The following ROBO2 variants were observed in gnomAD, a reference collection of about 807,000 sequenced individuals.
The protein encoded by ROBO2 is roundabout guidance receptor 2.
In ROBO2, 53 loss-of-function variants were observed where a neutral mutation model predicts 160.8. That is an observed-to-expected ratio of 0.33 (90% CI 0.26 to 0.41). The LOEUF is 0.41. Ranked by LOEUF, ROBO2 falls within the 10% of genes least tolerant of loss-of-function variation. The pLI is 1.00. For synonymous variants in ROBO2, 664 were observed against 611.7 expected, an observed-to-expected ratio of 1.09 and a Z score of -1.26; for missense variants, 1,577 against 1,722.4, an observed-to-expected ratio of 0.92 and a Z score of 1.49.
At chr3:76,405,864 A>G (rs1309802387) in intron 2 of ROBO2, among the ~76,000 whole-genome samples, 1 of 151,690 alleles carries the variant, frequency 6.6e-6, no homozygotes, top group African/African-American at 2.4e-5. Context: ...GAAAATAATC[A>G]TGCCTTTTGA....
rs202043830 is a variant in ROBO2 at position 77,563,214 on chromosome 3, G to A, written c.1567G>A (p.Gly523Arg). The A allele has an allele frequency of 7.1e-5, 115 of 1,613,526 alleles. No individual in the cohort carries two copies. The highest frequency in any genetic ancestry group is 9.7e-5 in the Non-Finnish European group (114 of 1,179,754). ...AAACTATGATTTAAGTGACCTGCCA[G>A]GGCCACCATCCAAACCGCAGGTCAC... The change falls in exon 11 of 26, where the codon GGG (glycine) becomes AGG (arginine). Residue 523 changes from glycine (G) to arginine (R), a missense_variant. Around this residue, in one of 2 missense-constraint regions of ROBO2, gnomAD observed 940 missense variants for 1,135.5 expected, o/e 0.83. Transcript: ENST00000461745.
At chr3:77,359,824 A>G (rs1160067955) in intron 2 of ROBO2, among the ~76,000 whole-genome samples, 2 of 151,986 alleles carry the variant, frequency 1.3e-5, no homozygotes, top group Non-Finnish European at 2.9e-5. Context: ...GACTGCAGAC[A>G]CATGCCACCA....
chr3:75,929,692 C>T (rs1280192021), intron 1 of ROBO2, among the ~76,000 whole-genome samples: 1 of 151,634 alleles, frequency 6.6e-6, no homozygotes, highest in Non-Finnish European at 1.5e-5. Flanking sequence ...CCTTCCTGGG[C>T]ACTCTTGTCT....
At chr3:77,371,948 G>T (rs1315362663) in intron 2 of ROBO2, among the ~76,000 whole-genome samples, 6 of 152,148 alleles carry the variant, frequency 3.9e-5, no homozygotes, top group Non-Finnish European at 8.8e-5. Context: ...AATTACAGGT[G>T]ATTAATATTT....
chr3:77,024,299 A>G (rs751215740), intron 2 of ROBO2, among the ~76,000 whole-genome samples: 14 of 152,338 alleles, frequency 9.2e-5, no homozygotes, highest in East Asian at 1.9e-4. Flanking sequence ...TGTCAGGGAC[A>G]TCAGGTGGAA....
At chr3:77,469,592 G>C (rs2083144736) in intron 2 of ROBO2, among the ~76,000 whole-genome samples, 1 of 152,068 alleles carries the variant, frequency 6.6e-6, no homozygotes, top group African/African-American at 2.4e-5. Flanking sequence ...CCTATAATTT[G>C]TGCTACCAGT....
chr3:76,618,438 T>G (rs1358111641), intron 2 of ROBO2, among the ~76,000 whole-genome samples: 1 of 149,812 alleles, frequency 6.7e-6, no homozygotes, highest in Non-Finnish European at 1.5e-5. Context: ...GGAAATAGGA[T>G]ATATATATAT....
At chr3:76,707,987 C>T (rs2107559435) in intron 2 of ROBO2, among the ~76,000 whole-genome samples, 1 of 152,122 alleles carries the variant, frequency 6.6e-6, no homozygotes, top group East Asian at 1.9e-4. Context: ...AGATTTGTCT[C>T]TCAAATGTAT....
At chr3:76,513,872 A>T (rs1413079814) in intron 2 of ROBO2, among the ~76,000 whole-genome samples, 2 of 152,206 alleles carry the variant, frequency 1.3e-5, no homozygotes, top group Non-Finnish European at 2.9e-5. Context: ...TTTCACTCTT[A>T]AAATTTTTAG....
At chr3:76,261,096 T>C (rs1174625594) in intron 2 of ROBO2, among the ~76,000 whole-genome samples, 1 of 152,076 alleles carries the variant, frequency 6.6e-6, no homozygotes, top group Admixed American at 6.6e-5. Context: ...ACTTTCAGTC[T>C]GAATTTCTTA....
chr3:77,645,548 G>C (rs926224950), intron 25 of ROBO2, among the ~76,000 whole-genome samples: 6 of 152,070 alleles, frequency 3.9e-5, no homozygotes, highest in Non-Finnish European at 7.4e-5. Flanking sequence ...TACCAATACA[G>C]CTTTGCATTA....
At chr3:76,971,927 A>G (rs999886893) in intron 2 of ROBO2, among the ~76,000 whole-genome samples, 1 of 152,356 alleles carries the variant, frequency 6.6e-6, no homozygotes, top group East Asian at 1.9e-4. Context: ...CAATTAAATC[A>G]CAAGGATAAT....
At chr3:77,558,219 A>T (rs776265518) in intron 9 of ROBO2, 70 bp downstream of exon 10, 57 of 1,282,118 alleles carry the variant, frequency 4.4e-5, no homozygotes, top group Non-Finnish European at 6.2e-5. Flanking sequence ...AAAATTGCAT[A>T]GTGAACTTAA....
intron 2 of ROBO2, among the ~76,000 whole-genome samples, chr3:76,359,949 T>A (rs1444275411): frequency 6.6e-6 from 1 of 151,976 alleles, no homozygotes; most frequent in East Asian, 1.9e-4. Context: ...CAGCTGCCAG[T>A]TTCAAGCAAG....
chr3:76,440,992 A>C (rs1245067479), intron 2 of ROBO2, among the ~76,000 whole-genome samples: 1 of 152,144 alleles, frequency 6.6e-6, no homozygotes, highest in Non-Finnish European at 1.5e-5. Flanking sequence ...AAATATGAAT[A>C]TTAACATTTA....
intron 2 of ROBO2, among the ~76,000 whole-genome samples, chr3:76,959,785 T>C (rs1335820812): frequency 6.6e-6 from 1 of 152,080 alleles, no homozygotes; most frequent in Non-Finnish European, 1.5e-5. Context: ...AATTCTTTAT[T>C]TGAATTATTT....
chr3:75,970,977 T>C (rs189119615), intron 2 of ROBO2, among the ~76,000 whole-genome samples: 7 of 151,432 alleles, frequency 4.6e-5, no homozygotes, highest in African/African-American at 1.7e-4. Context: ...TTAATCCTCT[T>C]ATTTGTTCTT....
At chr3:76,759,102 G>T (rs1020103935) in intron 2 of ROBO2, among the ~76,000 whole-genome samples, 3 of 151,800 alleles carry the variant, frequency 2.0e-5, no homozygotes, top group African/African-American at 7.2e-5. Flanking sequence ...TCTCCACTGT[G>T]TTAGAACTGG....
At chr3:77,429,412 A>C (rs1347686222) in intron 2 of ROBO2, among the ~76,000 whole-genome samples, 3 of 152,126 alleles carry the variant, frequency 2.0e-5, no homozygotes, top group African/African-American at 7.2e-5. Flanking sequence ...AAGTAAAATG[A>C]TATTTCTCCC....
Sources: allele counts gnomAD v4.1 joint callset (sites outside exome capture counted in the v4.1 genomes callset), GRCh38; gene constraint gnomAD v4.1.1; regional missense constraint gnomAD v4.1.1; transcripts MANE v1.5; gene names NCBI Gene and HGNC (gene_info 2026-07-23, HGNC 2026-07-21).